CATSPERE: variants seen among roughly 807,000 people sequenced by gnomAD.
CATSPERE encodes the protein catsper channel auxiliary subunit epsilon.
CATSPERE carries 93 observed loss-of-function variants against 114.1 expected under a neutral mutation model. That is an observed-to-expected ratio of 0.81 (90% CI 0.69 to 0.97). The LOEUF (loss-of-function observed/expected upper bound fraction) is 0.97. CATSPERE is among the 50% of genes least tolerant of loss of function. The pLI, the probability that CATSPERE is intolerant of heterozygous loss-of-function variation, is 0.00. For synonymous variants in CATSPERE, 341 were observed against 384.1 expected (o/e 0.89, Z 1.31); for missense variants, 1,058 against 1,131.6 (o/e 0.93, Z 0.93).
chr1:244,471,529 G>T (rs1668475551), intron 2 of CATSPERE, among the ~76,000 whole-genome samples: 1 of 152,096 alleles, frequency 6.6e-6, no homozygotes, highest in African/African-American at 2.4e-5. Flanking sequence ...CATGCCCTTT[G>T]CAGTCATGCT....
At chr1:244,509,107 T>C (rs569759913) in intron 7 of CATSPERE, among the ~76,000 whole-genome samples, 7 of 152,176 alleles carry the variant, frequency 4.6e-5, no homozygotes, top group South Asian at 2.1e-4. Flanking sequence ...TTATGTTGAA[T>C]AGGAGTGGTA....
At position 244,588,462 on chromosome 1, in the gene CATSPERE, C is replaced by T. The variant is rs777937478; in HGVS notation, c.2086-20C>T. The T allele has an allele frequency of 4.4e-6, 7 of 1,593,730 alleles. No individual in the cohort carries two copies. The African/African-American group carries it at 6.7e-5, about 15-fold the overall frequency. ...TGAATCAGAACTGCTGAACTCACTA[C>T]CTAAGTTACTTCATTTTAGGTGTTC... On this transcript the variant is annotated intron_variant, in intron 13 of 21. Coordinates refer to ENST00000366534, the MANE Select transcript of CATSPERE (RefSeq NM_001130957.2).
intron 19 of CATSPERE, among the ~76,000 whole-genome samples, chr1:244,611,851 A>T (rs775620244): frequency 3.9e-5 from 6 of 152,188 alleles, no homozygotes; most frequent in Non-Finnish European, 8.8e-5. Flanking sequence ...ACAATCATGA[A>T]GCTTGCCTCA....
chr1:244,507,342 A>G (rs1355880382), intron 7 of CATSPERE, among the ~76,000 whole-genome samples: 5 of 152,286 alleles, frequency 3.3e-5, no homozygotes, highest in Admixed American at 2.0e-4. Context: ...ACTGTTTTCC[A>G]TAGGAGTTGT....
intron 17 of CATSPERE, chr1:244,598,566 G>T: frequency 3.3e-6 from 1 of 299,678 alleles, no homozygotes; most frequent in Admixed American, 3.3e-5. Flanking sequence ...CACCTCACCT[G>T]TCTTGCACCC....
intron 8 of CATSPERE, among the ~76,000 whole-genome samples, chr1:244,536,941 T>C (rs1347325275): frequency 1.3e-5 from 2 of 152,196 alleles, no homozygotes; most frequent in Admixed American, 6.5e-5. Context: ...AGGAGTTTTT[T>C]TTTTTTCTGT....
At chr1:244,514,437 C>T (rs927459248) in intron 7 of CATSPERE, among the ~76,000 whole-genome samples, 6 of 152,144 alleles carry the variant, frequency 3.9e-5, no homozygotes, top group African/African-American at 1.4e-4. Flanking sequence ...AGAGTTTCTT[C>T]TATGTGATGT....
At chr1:244,479,081 T>A (rs1052285766) in intron 4 of CATSPERE, among the ~76,000 whole-genome samples, 4 of 150,408 alleles carry the variant, frequency 2.7e-5, no homozygotes, top group Admixed American at 2.0e-4. Flanking sequence ...GGGACTCCCT[T>A]TCCTTTTGTT....
rs759406943 is a variant in CATSPERE at position 244,591,749 on chromosome 1, A to G, written c.2189+18A>G. 11 of 1,446,460 alleles carry G rather than the reference A, an allele frequency of 7.6e-6. No individual in the cohort carries two copies. Among genetic ancestry groups the G allele is most frequent in the Middle Eastern group, 1.7e-4 (1 of 5,780 alleles). 89.6% of individuals were successfully genotyped at this position (1,446,460 alleles called of 1,614,324 possible). A position where few individuals can be genotyped will look rare whatever the true frequency, so the allele number is the denominator to read the frequency against. On this transcript the variant is annotated intron_variant, in intron 15 of 21. Transcript: ENST00000366534. The stretch of plus-strand genomic sequence containing the variant: ...ATTGAAAAGTAAGAAATTTTTTAAC[A>G]TAAGCACTGAGTTTTATATTAACGT...
rs138115364 is a variant in CATSPERE at position 244,577,871 on chromosome 1, A to G, written c.1951-3925A>G. Among the ~76,000 whole-genome samples the G allele has an allele frequency of 4.3e-4, 66 of 152,372 alleles. 2 individuals are homozygous for G. The highest frequency in any genetic ancestry group is 3.4e-3 in the Middle Eastern group (1 of 294). On this transcript the variant is annotated intron_variant, in intron 11 of 21. Transcript: ENST00000366534. ...GCATTATACGTATTTCAAGGATACA[A>G]AGATACCAAAGGCATATTTTCAAGG...
chr1:244,615,471 T>G (rs917167894), intron 19 of CATSPERE, among the ~76,000 whole-genome samples: 10 of 151,660 alleles, frequency 6.6e-5, no homozygotes, highest in Non-Finnish European at 1.5e-5. Flanking sequence ...AGAGAGCACT[T>G]ACACAAACGT....
At chr1:244,598,773 T>G (rs1668779475) in intron 17 of CATSPERE, 1 of 164,296 alleles carries the variant, frequency 6.1e-6, no homozygotes, top group Non-Finnish European at 1.3e-5. Flanking sequence ...CCCTGACCTC[T>G]TAGTGTTGGA....
chr1:244,526,280 A>G (rs910378965), intron 8 of CATSPERE, among the ~76,000 whole-genome samples: 1 of 152,080 alleles, frequency 6.6e-6, no homozygotes, highest in Non-Finnish European at 1.5e-5. Context: ...ATGGTGGCAC[A>G]CACCTGTAGT....
intron 15 of CATSPERE, among the ~76,000 whole-genome samples, chr1:244,592,169 C>T (rs868717658): frequency 9.2e-5 from 14 of 152,050 alleles, no homozygotes; most frequent in Admixed American, 2.0e-4. Context: ...GCCAACGTGG[C>T]GAAACCCCAT....
At chr1:244,554,684 A>G (rs970997633) in intron 9 of CATSPERE, among the ~76,000 whole-genome samples, 3 of 151,092 alleles carry the variant, frequency 2.0e-5, no homozygotes, top group Admixed American at 1.3e-4. Flanking sequence ...CTTTTGAGAA[A>G]TATCTGTTCA....
chr1:244,465,182 C>T (rs1159421876), intron 2 of CATSPERE, among the ~76,000 whole-genome samples: 1 of 151,952 alleles, frequency 6.6e-6, no homozygotes, highest in Non-Finnish European at 1.5e-5. Flanking sequence ...ACTACAGGTG[C>T]ACACTACCAT....
chr1:244,598,017 A>G (rs1348554493), intron 17 of CATSPERE, among the ~76,000 whole-genome samples: 1 of 152,236 alleles, frequency 6.6e-6, no homozygotes, highest in Non-Finnish European at 1.5e-5. Flanking sequence ...ACAAATTTAA[A>G]GAACATGTGA....
chr1:244,506,552 C>T lies in CATSPERE; in HGVS notation c.429+7473C>T, dbSNP rs527913513. Among the ~76,000 whole-genome samples, 19 of 152,262 alleles carry T rather than the reference C, an allele frequency of 1.2e-4. No homozygotes were observed. In the South Asian group the frequency reaches 3.9e-3, roughly 32 times the overall value. On this transcript the variant is annotated intron_variant, in intron 7 of 21. Coordinates refer to ENST00000366534, the MANE Select transcript of CATSPERE (RefSeq NM_001130957.2). Reference sequence around the variant, plus strand: ...TCCAATTCCTCTACAGCCTCACTAACACTTGTTTTGTTTTGTCTTTGGAGG... The same window carrying T: ...TCCAATTCCTCTACAGCCTCACTAATACTTGTTTTGTTTTGTCTTTGGAGG...
rs1292456542 is a variant in CATSPERE at position 244,607,938 on chromosome 1, A to G, written c.2403+2144A>G. ...ACTGACCAACATGGTGAAACCCCAT[A>G]TCTCCTAAAAATAAAAAAATTAGCT... On this transcript the variant is annotated intron_variant, in intron 18 of 21. Coordinates refer to ENST00000366534, the MANE Select transcript of CATSPERE (RefSeq NM_001130957.2). This position sits in a 1 kb window ranked among gnomAD's most constrained non-coding sequence, Gnocchi z 4.4. Among the ~76,000 whole-genome samples the G allele has an allele frequency of 6.6e-6, 1 of 151,792 alleles. No individual in the cohort carries two copies. Among genetic ancestry groups the G allele is most frequent in the Non-Finnish European group, 1.5e-5 (1 of 67,964 alleles).
Sources: gnomAD v4.1 joint callset for allele counts (sites outside exome capture counted in the v4.1 genomes callset) on GRCh38, gnomAD v4.1.1 for gene constraint, Gnocchi (gnomAD v3.1) non-coding constraint, MANE v1.5 for transcripts, NCBI Gene and HGNC (gene_info 2026-07-23, HGNC 2026-07-21) for gene names.